RAD50: variants seen among roughly 807,000 people sequenced by gnomAD.
RAD50 encodes the protein DNA repair protein RAD50.
A neutral mutation model predicts 168.8 loss-of-function variants in RAD50; 132 were observed. The observed-to-expected ratio is 0.78, with a 90% CI of 0.68 to 0.90. RAD50 has a LOEUF of 0.90. Ranked by LOEUF, RAD50 falls within the 40% of genes least tolerant of loss-of-function variation. The pLI, the probability that RAD50 is intolerant of heterozygous loss-of-function variation, is 0.00. For missense variants in RAD50, 1,347 were observed against 1,534.4 expected (o/e 0.88, Z 2.04); for synonymous variants, 525 against 497.4 (o/e 1.06, Z -0.74).
At chr5:132,593,899 G>A (rs146791421) in intron 11 of RAD50, among the ~76,000 whole-genome samples, 29 of 152,128 alleles carry the variant, frequency 1.9e-4, no homozygotes, top group African/African-American at 7.0e-4. Flanking sequence ...AGGGAACCAG[G>A]GTGAGAGCCA....
chr5:132,612,096 T>G (rs1751098374), intron 19 of RAD50, among the ~76,000 whole-genome samples: 1 of 152,188 alleles, frequency 6.6e-6, no homozygotes, highest in Non-Finnish European at 1.5e-5. Context: ...TTTGTAATAG[T>G]CAAAATATGG....
At chr5:132,630,379 C>G (rs185601097) in intron 21 of RAD50, among the ~76,000 whole-genome samples, 2 of 152,212 alleles carry the variant, frequency 1.3e-5, no homozygotes, top group Admixed American at 1.3e-4. Flanking sequence ...AAACACGTAA[C>G]CTTTACAGTT....
Position 132,580,040 on chromosome 5 carries a change from T to C in RAD50, c.730T>C (p.Tyr244His), listed in dbSNP as rs1750478776. Residue 244 changes from tyrosine to histidine, a missense_variant, in exon 5 of 25, where the codon TAT becomes CAT. Coordinates refer to ENST00000378823, the MANE Select transcript of RAD50 (RefSeq NM_005732.4). Reference sequence around the variant, plus strand: ...ATCTTCAAAGGAAATTGTCAAATCCTATGAGAATGAACTTGATCCATTGAA... The same window carrying C: ...ATCTTCAAAGGAAATTGTCAAATCCCATGAGAATGAACTTGATCCATTGAA... ...LTSSKEIVKS[Y>H]ENELDPLKNR... The C allele has an allele frequency of 1.9e-6, 3 of 1,612,458 alleles. No individual in the cohort carries two copies. In the South Asian group the frequency reaches 3.3e-5, roughly 18 times the overall value.
rs1751799893 is a variant in RAD50 at position 132,644,081 on chromosome 5, A to G, written c.*1717A>G. On this transcript the variant is annotated 3_prime_UTR_variant, in exon 25 of 25. Transcript: ENST00000378823. ...TTAAAGCCAGTTACCTTCTATCAAC[A>G]TGTTAATGAAAGTGCTAGTTGTTGC... is the stretch of plus-strand genomic sequence containing the variant. 2 of 200,794 alleles carry G rather than the reference A, an allele frequency of 1.0e-5. No homozygotes were observed. The highest frequency in any genetic ancestry group is 3.8e-4 in the South Asian group (2 of 5,252). The allele number at this position is 200,794 out of a possible 1,614,324, so 12.4% of individuals were successfully genotyped here.
At chr5:132,605,629 C>T (rs769803880) in intron 16 of RAD50, among the ~76,000 whole-genome samples, 8 of 152,210 alleles carry the variant, frequency 5.3e-5, no homozygotes, top group Admixed American at 1.3e-4. Flanking sequence ...TCACCTCACC[C>T]AGCCCATGTT....
At chr5:132,625,660 G>T (rs1463602218) in intron 21 of RAD50, among the ~76,000 whole-genome samples, 1 of 151,138 alleles carries the variant, frequency 6.6e-6, no homozygotes, top group Non-Finnish European at 1.5e-5. Flanking sequence ...CTATATTTTT[G>T]TACTTGTTAA....
Position 132,643,720 on chromosome 5 carries a change from TG to T in RAD50, c.*1360del, listed in dbSNP as rs1303523841. The T allele has an allele frequency of 2.7e-5, 2 of 75,158 alleles. No individual in the cohort carries two copies. The highest frequency in any genetic ancestry group is 5.4e-5 in the Non-Finnish European group (2 of 37,358). 4.7% of individuals were successfully genotyped at this position (75,158 alleles called of 1,614,324 possible). On this transcript the variant is annotated 3_prime_UTR_variant, in exon 25 of 25. Coordinates refer to ENST00000378823, the MANE Select transcript of RAD50 (RefSeq NM_005732.4). The stretch of plus-strand genomic sequence containing the variant: ...AGACAGAGTATCCTGGGGGTGGTGG[TG>T]GGGTGGGGGGGGGTCCTAAATGTAA...
Position 132,642,368 on chromosome 5 carries a change from T to C in RAD50, c.*4T>C. 6.2e-7 allele frequency: 1 copy of C among 1,610,970 alleles called. No individual in the cohort carries two copies. On this transcript the variant is annotated 3_prime_UTR_variant, in exon 25 of 25. Transcript: ENST00000378823. ...CCTGGGATTCAATGTTCATTAAAAATATCCAAGATTTAAATGCCATAGAAA... is the reference window on the plus strand; with the variant it reads ...CCTGGGATTCAATGTTCATTAAAAACATCCAAGATTTAAATGCCATAGAAA...
rs772700122 is a variant in RAD50 at position 132,588,027 on chromosome 5, A to G, written c.989A>G (p.Glu330Gly). ...TTGGTAGACTGTCATCGTGAACTGG[A>G]AAAACTAAATAAAGAATCTAGGCTT... The part of the protein sequence containing the change: ...RKLVDCHREL[E>G]KLNKESRLLN... The change falls in exon 7 of 25, where the codon GAA (glutamate) becomes GGA (glycine). Residue 330 changes from glutamate (E) to glycine (G), a missense_variant. Physicochemically the swap from Glu to Gly is moderately conservative, Grantham distance 98 (BLOSUM62 -2). This residue lies in a region of RAD50 where 703 missense variants were observed against 767.7 expected (regional missense o/e 0.92). Coordinates refer to ENST00000378823, the MANE Select transcript of RAD50 (RefSeq NM_005732.4). 3 of 1,612,520 alleles carry G rather than the reference A, an allele frequency of 1.9e-6. No homozygotes were observed. In the Admixed American group the frequency reaches 5.0e-5, roughly 27 times the overall value.
At chr5:132,619,783 CCTCTCTCTCT>C (rs550575815) in intron 21 of RAD50, among the ~76,000 whole-genome samples, 2,586 of 125,730 alleles carry the variant, frequency 0.021, 104 homozygotes, top group African/African-American at 0.079. Flanking sequence ...CTTCCCTACT[CCTCTCTCTCT>C]CTCTCTCTCT....
In RAD50 at chr5:132,559,348, C is replaced by A; in HGVS notation, c.194C>A (p.Thr65Lys). Residue 65 changes from threonine to lysine, a missense_variant, in exon 2 of 25, where the codon ACA becomes AAA. Physicochemically the swap from Thr to Lys is moderately conservative, Grantham distance 78. This residue lies in a region of RAD50 where 703 missense variants were observed against 767.7 expected (regional missense o/e 0.92). Coordinates refer to ENST00000378823, the MANE Select transcript of RAD50 (RefSeq NM_005732.4). ...TTCCCTCCTGGAACCAAAGGAAATA[C>A]ATTTGTACACGATCCCAAGGTAATG... Reference protein sequence around the residue: ...GDFPPGTKGNTFVHDPKVAQE... With the variant: ...GDFPPGTKGNKFVHDPKVAQE... 6.2e-7 allele frequency: 1 copy of A among 1,608,762 alleles called. No homozygotes were observed. Among genetic ancestry groups the A allele is most frequent in the Non-Finnish European group, 8.5e-7 (1 of 1,177,298 alleles).
chr5:132,576,881 G>T (rs2149836768), intron 3 of RAD50, among the ~76,000 whole-genome samples: 1 of 152,272 alleles, frequency 6.6e-6, no homozygotes, highest in South Asian at 2.1e-4. Context: ...TATTTCATTT[G>T]TAAAGTAGGC....
At chr5:132,614,121 T>C (rs1353707973) in intron 19 of RAD50, among the ~76,000 whole-genome samples, 1 of 152,154 alleles carries the variant, frequency 6.6e-6, no homozygotes, top group African/African-American at 2.4e-5. Context: ...AACAAAGAAA[T>C]GCCTAGCTGT....
At chr5:132,615,282 C>T (rs1751156191) in intron 19 of RAD50, among the ~76,000 whole-genome samples, 1 of 152,138 alleles carries the variant, frequency 6.6e-6, no homozygotes, top group South Asian at 2.1e-4. Context: ...TATTGAGTCT[C>T]TTTTGAAGGA....
chr5:132,615,523 G>T (rs931611748), intron 19 of RAD50, among the ~76,000 whole-genome samples: 1 of 152,172 alleles, frequency 6.6e-6, no homozygotes, highest in Non-Finnish European at 1.5e-5. Context: ...GAAGACTTCA[G>T]TAGTAGTATT....
chr5:132,604,767 C>T (rs189596802), intron 15 of RAD50, 39 bp from the exon 16 acceptor site: 4 of 1,449,668 alleles, frequency 2.8e-6, no homozygotes, highest in Admixed American at 3.5e-5. Flanking sequence ...ATTTTCTATG[C>T]CCTTACATTA....
rs1418277656 is a variant in RAD50 at position 132,646,115 on chromosome 5, C to CAAA, written c.*3752_*3753insAAA. 1 of 97,862 alleles carries CAAA rather than the reference C, an allele frequency of 1.0e-5. No individual in the cohort carries two copies. The highest frequency in any genetic ancestry group is 2.1e-5 in the Non-Finnish European group (1 of 48,632). 6.1% of individuals were successfully genotyped at this position (97,862 alleles called of 1,614,324 possible). A position where few individuals can be genotyped will look rare whatever the true frequency, so the allele number is the denominator to read the frequency against. On this transcript the variant is annotated 3_prime_UTR_variant, in exon 25 of 25. Transcript: ENST00000378823. ...GACAAAAAAAAAAAAAAAAAAAAAG[C>CAAA]AGCAGCAGCTGAAAGTTGGCAGGAG...
In RAD50 at chr5:132,618,307, C is replaced by T. The variant is rs949918860; in HGVS notation, c.3389+13C>T. The T allele has an allele frequency of 3.1e-6, 5 of 1,613,554 alleles. No individual in the cohort carries two copies. The highest frequency in any genetic ancestry group is 1.7e-5 in the Admixed American group (1 of 59,988). On this transcript the variant is annotated intron_variant, in intron 21 of 24. Transcript: ENST00000378823. Reference sequence around the variant, plus strand: ...AGACTCTTGACCAGTAAGTATTAGACTGGGGATTTTCTTATTGCAGTTAAT... The same window carrying T: ...AGACTCTTGACCAGTAAGTATTAGATTGGGGATTTTCTTATTGCAGTTAAT...
chr5:132,586,038 T>C (rs1224337339), intron 5 of RAD50, among the ~76,000 whole-genome samples: 2 of 152,210 alleles, frequency 1.3e-5, no homozygotes, highest in East Asian at 3.8e-4. Context: ...TTTATACTTT[T>C]TGTTTATTAT....
Sources: gnomAD v4.1 joint callset for allele counts (sites outside exome capture counted in the v4.1 genomes callset) on GRCh38, gnomAD v4.1.1 for gene constraint, gnomAD v4.1.1 regional missense constraint, MANE v1.5 for transcripts, NCBI Gene and HGNC (gene_info 2026-07-23, HGNC 2026-07-21) for gene names.